APLN: variants seen among roughly 807,000 people sequenced by gnomAD.
APLN encodes apelin, also known as AGTRL1 ligand.
Under a neutral mutation model 4.3 loss-of-function variants are expected in APLN, and 2 were observed. That is an observed-to-expected ratio of 0.46 (90% CI 0.19 to 1.45). The LOEUF (loss-of-function observed/expected upper bound fraction) is 1.45, where lower values mean the gene tolerates loss of function less well. Among genes scored for constraint, APLN ranks in the 40% most tolerant of loss-of-function variants. The pLI, the probability that APLN is intolerant of heterozygous loss-of-function variation, is 0.25. For missense variants in APLN, 80 were observed against 70.0 expected (o/e 1.14, Z -0.51); for synonymous variants, 34 against 30.4 (o/e 1.12, Z -0.38).
chrX:129,650,864 A>G (rs905554544), intron 1 of APLN, among the ~76,000 whole-genome samples: 6 of 111,832 alleles, frequency 5.4e-5, no homozygotes, highest in Non-Finnish European at 7.5e-5. Context: ...GCGGATCTGA[A>G]TGATGCTGAT....
At chrX:129,652,975 T>C (rs1016011095) in intron 1 of APLN, among the ~76,000 whole-genome samples, 4 of 112,566 alleles carry the variant, frequency 3.6e-5, no homozygotes, top group Non-Finnish European at 7.5e-5. Context: ...GTGGTGGTAT[T>C]GTGCAAGTGT....
In APLN at chrX:129,648,605, A is replaced by G. The variant is rs899753765; in HGVS notation, c.*5+16T>C. ...CCTCCGCTTTAGCACTGTCCACTGA[A>G]CAGAGGCTCAAGTACCTGCTTCAGA... On this transcript the variant is annotated intron_variant, in intron 2 of 2. Coordinates refer to ENST00000429967, the MANE Select transcript of APLN (RefSeq NM_017413.5). 1.0e-5 allele frequency: 12 copies of G among 1,203,810 alleles called. No homozygotes were observed. The highest frequency in any genetic ancestry group is 1.0e-5 in the Non-Finnish European group (9 of 891,707).
intron 1 of APLN, among the ~76,000 whole-genome samples, chrX:129,650,911 G>C (rs1936974825): frequency 8.9e-6 from 1 of 112,057 alleles, no homozygotes; most frequent in African/African-American, 3.2e-5. Context: ...CTTGTGAAGT[G>C]AACCAAGTCA....
chrX:129,647,157 T>C lies in APLN; in HGVS notation c.*766A>G, dbSNP rs1402508257. 2 of 124,291 alleles carry C rather than the reference T, an allele frequency of 1.6e-5. No homozygotes were observed. The highest frequency in any genetic ancestry group is 3.4e-5 in the Non-Finnish European group (2 of 58,891). The allele number at this position is 124,291 out of a possible 1,213,427, so 10.2% of individuals were successfully genotyped here. A position where few individuals can be genotyped will look rare whatever the true frequency, so the allele number is the denominator to read the frequency against. On this transcript the variant is annotated 3_prime_UTR_variant, in exon 3 of 3. Transcript: ENST00000429967. ...CAACCTCTTGCTTGGCTTTTACTCC[T>C]GGGAGGGTATATAGCCATGTCAGGC... is the stretch of plus-strand genomic sequence containing the variant.
chrX:129,648,519 G>A, intron 2 of APLN, 102 bp downstream of exon 2: 1 of 988,973 alleles, frequency 1.0e-6, no homozygotes, highest in South Asian at 2.3e-5. Flanking sequence ...AGGACTGTTT[G>A]ATGGATGTGT....
At position 129,654,744 on chromosome X, in the gene APLN, G is replaced by A; in HGVS notation, c.-114C>T. ...GCTGGCGCGTGCGGGCGCAGAGCTC[G>A]GGAGGCTCCCCGGCCGCTGAGTGTG... On this transcript the variant is annotated 5_prime_UTR_variant, in exon 1 of 3. Coordinates refer to ENST00000429967, the MANE Select transcript of APLN (RefSeq NM_017413.5). The A allele has an allele frequency of 6.3e-6, 3 of 473,371 alleles. No individual in the cohort carries two copies. The highest frequency in any genetic ancestry group is 8.8e-6 in the Non-Finnish European group (3 of 340,968). 39.0% of individuals were successfully genotyped at this position (473,371 alleles called of 1,213,427 possible). A position where few individuals can be genotyped will look rare whatever the true frequency, so the allele number is the denominator to read the frequency against.
At chrX:129,654,476 TC>T in intron 1 of APLN, 87 bp downstream of exon 1, 3 of 917,133 alleles carry the variant, frequency 3.3e-6, no homozygotes, top group Admixed American at 3.8e-5. Flanking sequence ...CGCGCCGGGC[TC>T]CCCGGGAGGC....
At chrX:129,654,019 C>T (rs1954135736) in intron 1 of APLN, among the ~76,000 whole-genome samples, 1 of 112,634 alleles carries the variant, frequency 8.9e-6, no homozygotes, top group African/African-American at 3.2e-5. Context: ...AACAGCTGGG[C>T]TCCATGCCGC....
rs1173278661 is a variant in APLN at position 129,646,362 on chromosome X, C to T, written c.*1561G>A. The stretch of plus-strand genomic sequence containing the variant: ...ATCAGGCTCTTGTCTTCTCTTTCTC[C>T]CTCCTGGGAACCCTGCTCAAGCAAA... On this transcript the variant is annotated 3_prime_UTR_variant, in exon 3 of 3. Coordinates refer to ENST00000429967, the MANE Select transcript of APLN (RefSeq NM_017413.5). 8.9e-6 allele frequency: 1 copy of T among 112,776 alleles called. No homozygotes were observed. Among genetic ancestry groups the T allele is most frequent in the Non-Finnish European group, 1.9e-5 (1 of 53,230 alleles). The allele number at this position is 112,776 out of a possible 1,213,427, so 9.3% of individuals were successfully genotyped here.
rs181301686 is a variant in APLN, at chrX:129,654,944, A to G, written c.-314T>C. The G allele has an allele frequency of 0.037, 4,973 of 133,346 alleles. 102 individuals carry two copies. Among genetic ancestry groups the G allele is most frequent in the Non-Finnish European group, 0.054 (3,576 of 66,744 alleles). 11.0% of individuals were successfully genotyped at this position (133,346 alleles called of 1,213,427 possible). ...GCAACTGCCCGTGACCCCGGCTGCC[A>G]GAGAGAATGCTCCCCGCTCACTCCA... is the stretch of plus-strand genomic sequence containing the variant. On this transcript the variant is annotated 5_prime_UTR_variant, in exon 1 of 3. Coordinates refer to ENST00000429967, the MANE Select transcript of APLN (RefSeq NM_017413.5).
chrX:129,649,442 T>C (rs948616414), intron 1 of APLN, among the ~76,000 whole-genome samples: 12 of 111,649 alleles, frequency 1.1e-4, no homozygotes, highest in Non-Finnish European at 1.9e-4. Flanking sequence ...GGGCGCCAAG[T>C]CCTCCCAGTG....
chrX:129,647,438 G>A lies in APLN; in HGVS notation c.*485C>T. ...CCCCGCAGCCAGCACCTCTTAACTA[G>A]AGTCTCTCCTTGCTTTTCTCTGCAT... is the stretch of plus-strand genomic sequence containing the variant. On this transcript the variant is annotated 3_prime_UTR_variant, in exon 3 of 3. Transcript: ENST00000429967. 2 of 320,839 alleles carry A rather than the reference G, an allele frequency of 6.2e-6. No homozygotes were observed. The highest frequency in any genetic ancestry group is 7.2e-5 in the South Asian group (2 of 27,892). The allele number at this position is 320,839 out of a possible 1,213,427, so 26.4% of individuals were successfully genotyped here.
intron 1 of APLN, 76 bp downstream of exon 1, chrX:129,654,488 G>T: frequency 5.9e-6 from 6 of 1,013,889 alleles, no homozygotes; most frequent in Admixed American, 3.0e-5. Context: ...CCCGGGAGGC[G>T]GGGAGAGTGC....
Position 129,654,699 on chromosome X carries a change from C to T in APLN, c.-69G>A. Reference sequence around the variant, plus strand: ...GAGGAGAGGTCGGGCGCCCGGAGGCCAAGAAAGGCGCGAGCCGCGGCTGGC... The same window carrying T: ...GAGGAGAGGTCGGGCGCCCGGAGGCTAAGAAAGGCGCGAGCCGCGGCTGGC... On this transcript the variant is annotated 5_prime_UTR_variant, in exon 1 of 3. Transcript: ENST00000429967. The T allele has an allele frequency of 1.1e-6, 1 of 880,596 alleles. No individual in the cohort carries two copies. The highest frequency in any genetic ancestry group is 3.5e-5 in the South Asian group (1 of 28,250). 72.6% of individuals were successfully genotyped at this position (880,596 alleles called of 1,213,427 possible).
In APLN at chrX:129,648,788, G is replaced by T; in HGVS notation, c.72C>A (p.Ser24=). The change falls in exon 2 of 3, where the codon TCC becomes TCA. Residue 24 remains serine, a synonymous_variant. Coordinates refer to ENST00000429967, the MANE Select transcript of APLN (RefSeq NM_017413.5). The stretch of plus-strand genomic sequence containing the variant: ...CATTCCCATCGGGAAGCGGCATCAG[G>T]GACCCTGCAGGAAGGAGAAAGCCTG... The part of the protein sequence containing the change: ...WLSLTAVCGG[S]LMPLPDGNGL... The T allele has an allele frequency of 8.6e-7, 1 of 1,162,297 alleles. No homozygotes were observed. Among genetic ancestry groups the T allele is most frequent in the East Asian group, 3.2e-5 (1 of 31,079 alleles).
At position 129,648,654 on chromosome X, in the gene APLN, A is replaced by G; in HGVS notation, c.206T>C (p.Leu69Pro). The change falls in exon 2 of 3, where the codon CTC becomes CCC. Residue 69 changes from leucine (L) to proline (P), a missense_variant. Leu to Pro is a moderately conservative substitution (Grantham distance 98, BLOSUM62 -3). Coordinates refer to ENST00000429967, the MANE Select transcript of APLN (RefSeq NM_017413.5). ...GAAAGGCATGGGTCCCTTATGGGAG[A>G]GGCGGGGCCGCTGGCGGCGGAATTT... ...RRKFRRQRPR[L>P]SHKGPMPF 1 of 1,197,814 alleles carries G rather than the reference A, an allele frequency of 8.3e-7. No individual in the cohort carries two copies. Among genetic ancestry groups the G allele is most frequent in the Admixed American group, 2.2e-5 (1 of 44,649 alleles).
Position 129,647,385 on chromosome X carries a change from C to T in APLN, c.*538G>A. ...GCTCCTGAAAACCACCCTGGCACTT[C>T]CATGCCCCCAATGTGCCCTGTCTGG... On this transcript the variant is annotated 3_prime_UTR_variant, in exon 3 of 3. Transcript: ENST00000429967. The T allele has an allele frequency of 4.0e-6, 1 of 249,738 alleles. No individual in the cohort carries two copies. Among genetic ancestry groups the T allele is most frequent in the Non-Finnish European group, 7.4e-6 (1 of 135,345 alleles). The allele number at this position is 249,738 out of a possible 1,213,427, so 20.6% of individuals were successfully genotyped here.
rs1936948410 is a variant in APLN at position 129,647,580 on chromosome X, C to T, written c.*343G>A. ...AGGGCAGACATGAGGAAGGAAGGCC[C>T]AAATGAAGGTTTGGGGCGTTAGATG... On this transcript the variant is annotated 3_prime_UTR_variant, in exon 3 of 3. Coordinates refer to ENST00000429967, the MANE Select transcript of APLN (RefSeq NM_017413.5). 2 of 960,533 alleles carry T rather than the reference C, an allele frequency of 2.1e-6. No individual in the cohort carries two copies. Among genetic ancestry groups the T allele is most frequent in the Non-Finnish European group, 2.7e-6 (2 of 742,729 alleles). The allele number at this position is 960,533 out of a possible 1,213,427, so 79.2% of individuals were successfully genotyped here.
intron 1 of APLN, 122 bp from the exon 2 acceptor site, chrX:129,648,914 G>A: frequency 2.7e-6 from 2 of 737,803 alleles, no homozygotes; most frequent in Non-Finnish European, 3.8e-6. Flanking sequence ...GATTTTCTTT[G>A]TTTCTTTTTT....
Sources: allele counts gnomAD v4.1 joint callset (sites outside exome capture counted in the v4.1 genomes callset), GRCh38; gene constraint gnomAD v4.1.1; transcripts MANE v1.5; gene names NCBI Gene and HGNC (gene_info 2026-07-23, HGNC 2026-07-21).